NAA11: variants seen among roughly 807,000 people sequenced by gnomAD.
NAA11 encodes the protein N-alpha-acetyltransferase 11, NatA catalytic subunit.
NAA11 carries 15 observed loss-of-function variants against 16.1 expected under a neutral mutation model. The observed-to-expected ratio is 0.93, with a 90% confidence interval of 0.62 to 1.44. The LOEUF (loss-of-function observed/expected upper bound fraction) is 1.44. Ranked by LOEUF, NAA11 falls within the 40% of genes most tolerant of loss-of-function variation. The pLI, the probability that NAA11 is intolerant of heterozygous loss-of-function variation, is 0.00. For missense variants in NAA11, 298 were observed against 291.3 expected (o/e 1.02, Z -0.17); for synonymous variants, 122 against 112.4 (o/e 1.09, Z -0.54).
intron 2 of NAA11, among the ~76,000 whole-genome samples, chr4:79,280,196 A>G (rs1302846822): frequency 2.6e-5 from 4 of 152,190 alleles, no homozygotes; most frequent in African/African-American, 9.6e-5. Flanking sequence ...CCAGAAGACA[A>G]TGATGATTGA....
At chr4:79,282,039 ACTT>A (rs1234167454) in intron 2 of NAA11, among the ~76,000 whole-genome samples, 1 of 152,106 alleles carries the variant, frequency 6.6e-6, no homozygotes, top group Non-Finnish European at 1.5e-5. Flanking sequence ...AAGAAACAAA[ACTT>A]CTTTCAATGA....
chr4:79,247,732 A>G lies in NAA11; in HGVS notation c.*123-21462T>C, dbSNP rs577238704. On this transcript the variant is annotated intron_variant and NMD_transcript_variant, in intron 2 of 2. Coordinates refer to the NAA11 transcript ENST00000511542. ...GGAACCCTGCCCAGGACTACCATGC[A>G]CTGAGACTCATTCCTGGCCCCAAGC... 7.2e-5 allele frequency among the ~76,000 whole-genome samples: 11 copies of G among 152,252 alleles called. No individual in the cohort carries two copies. In the South Asian group the frequency reaches 2.3e-3, roughly 32 times the overall value.
chr4:79,182,959 C>T, the NAA11 span, among the ~76,000 whole-genome samples: 9 of 152,210 alleles, frequency 5.9e-5, 1 homozygote, highest in South Asian at 1.9e-3. Context: ...ACAAAGCCCT[C>T]GACCTCATGG....
At chr4:79,177,184 G>GTATC in the NAA11 span, among the ~76,000 whole-genome samples, 1 of 151,924 alleles carries the variant, frequency 6.6e-6, no homozygotes, top group Admixed American at 6.6e-5. Flanking sequence ...AAGGCAGTGT[G>GTATC]TATCTATAAA....
the NAA11 span, among the ~76,000 whole-genome samples, chr4:79,188,796 A>G: frequency 6.6e-6 from 1 of 152,152 alleles, no homozygotes; most frequent in East Asian, 1.9e-4. Flanking sequence ...ATTTCAGAAG[A>G]GAGTCTTCAG....
chr4:79,202,015 C>T, the NAA11 span, among the ~76,000 whole-genome samples: 2 of 151,600 alleles, frequency 1.3e-5, no homozygotes, highest in Non-Finnish European at 3.0e-5. Flanking sequence ...TAATTAGCAT[C>T]ACTTTAAACA....
At chr4:79,187,405 G>C in the NAA11 span, among the ~76,000 whole-genome samples, 2 of 152,146 alleles carry the variant, frequency 1.3e-5, no homozygotes, top group Non-Finnish European at 2.9e-5. Context: ...GGGAACTGTA[G>C]CATTTCATAT....
At chr4:79,310,170 A>C (rs1043093463) in intron 1 of NAA11, among the ~76,000 whole-genome samples, 1 of 152,220 alleles carries the variant, frequency 6.6e-6, no homozygotes, top group East Asian at 1.9e-4. Flanking sequence ...AGAATGGAGA[A>C]AAAACTGGAA....
At chr4:79,237,062 A>G (rs1721586450) in intron 2 of NAA11, among the ~76,000 whole-genome samples, 1 of 152,192 alleles carries the variant, frequency 6.6e-6, no homozygotes, top group Non-Finnish European at 1.5e-5. Flanking sequence ...AGTACATGCA[A>G]CATTCTTTCT....
At chr4:79,212,773 G>T in the NAA11 span, among the ~76,000 whole-genome samples, 2 of 148,544 alleles carry the variant, frequency 1.3e-5, no homozygotes, top group African/African-American at 2.6e-5. Context: ...TAGTTTATAA[G>T]TTCAACTTTA....
the NAA11 span, among the ~76,000 whole-genome samples, chr4:79,158,364 G>A: frequency 6.6e-6 from 1 of 151,772 alleles, no homozygotes; most frequent in African/African-American, 2.4e-5. Flanking sequence ...TTTTACAATA[G>A]GTGCAAAAAA....
chr4:79,209,146 C>T, the NAA11 span, among the ~76,000 whole-genome samples: 1 of 152,004 alleles, frequency 6.6e-6, no homozygotes, highest in Non-Finnish European at 1.5e-5. Flanking sequence ...GGCTGAATTG[C>T]ATCTTTTCCT....
intron 2 of NAA11, among the ~76,000 whole-genome samples, chr4:79,249,597 C>CT (rs1360433796): frequency 1.3e-5 from 2 of 152,102 alleles, no homozygotes; most frequent in Admixed American, 1.3e-4. Context: ...AACAAAACCT[C>CT]TAAGAAATAA....
chr4:79,282,156 C>T (rs1407388026), intron 2 of NAA11, among the ~76,000 whole-genome samples: 1 of 152,014 alleles, frequency 6.6e-6, no homozygotes, highest in Non-Finnish European at 1.5e-5. Context: ...GAATGGCATG[C>T]TTGGCATGCT....
chr4:79,170,336 A>G, the NAA11 span, among the ~76,000 whole-genome samples: 2 of 152,148 alleles, frequency 1.3e-5, no homozygotes, highest in Admixed American at 6.6e-5. Flanking sequence ...CTGGCTCTCT[A>G]TCACTTGGGA....
chr4:79,256,912 T>C (rs1722125959), intron 2 of NAA11, among the ~76,000 whole-genome samples: 1 of 151,878 alleles, frequency 6.6e-6, no homozygotes, highest in Non-Finnish European at 1.5e-5. Flanking sequence ...GTGCTGGGAT[T>C]ACAGACATGA....
At chr4:79,296,316 T>C (rs947036639) in intron 1 of NAA11, among the ~76,000 whole-genome samples, 1 of 152,242 alleles carries the variant, frequency 6.6e-6, no homozygotes, top group East Asian at 1.9e-4. Flanking sequence ...CTTAAAACTA[T>C]GAAGCCAAGC....
At chr4:79,183,821 G>A in the NAA11 span, among the ~76,000 whole-genome samples, 4 of 151,958 alleles carry the variant, frequency 2.6e-5, no homozygotes, top group Non-Finnish European at 4.4e-5. Context: ...TACCTTTTCC[G>A]CTAGGATTCT....
chr4:79,247,454 T>A (rs1721865603), intron 2 of NAA11, among the ~76,000 whole-genome samples: 1 of 152,090 alleles, frequency 6.6e-6, no homozygotes, highest in Non-Finnish European at 1.5e-5. Flanking sequence ...AACATCTACT[T>A]CATAGGAAGT....
Sources: allele counts gnomAD v4.1 joint callset (sites outside exome capture counted in the v4.1 genomes callset), GRCh38; gene constraint gnomAD v4.1.1; transcripts MANE v1.5; gene names NCBI Gene and HGNC (gene_info 2026-07-23, HGNC 2026-07-21).